Variants in CERS6 observed in about 807,000 individuals in gnomAD.
CERS6 encodes ceramide synthase 6.
In CERS6, 26 loss-of-function variants were observed where a neutral mutation model predicts 56.8. The ratio of observed to expected loss-of-function variants is 0.46; its 90% CI spans 0.34 to 0.63. The LOEUF is 0.63. Ranked by LOEUF, CERS6 falls within the 30% of genes least tolerant of loss-of-function variation. CERS6 has a pLI of 0.01. For synonymous variants in CERS6, 164 were observed against 173.3 expected (o/e 0.95, Z 0.42); for missense variants, 415 against 467.5 (o/e 0.89, Z 1.04).
intron 2 of CERS6, among the ~76,000 whole-genome samples, chr2:168,556,407 A>G (rs1294069021): frequency 1.3e-5 from 2 of 152,170 alleles, no homozygotes; most frequent in African/African-American, 4.8e-5. Flanking sequence ...GAAACCTGAC[A>G]TCTTTTTGAT....
intron 8 of CERS6, among the ~76,000 whole-genome samples, chr2:168,735,360 A>T (rs1683679591): frequency 6.6e-6 from 1 of 152,040 alleles, no homozygotes; most frequent in South Asian, 2.1e-4. Context: ...TATAAATTGT[A>T]CCCATCTTAG....
At chr2:168,476,672 T>C (rs1694077745) in intron 1 of CERS6, among the ~76,000 whole-genome samples, 1 of 152,096 alleles carries the variant, frequency 6.6e-6, no homozygotes, top group Admixed American at 6.6e-5. Context: ...TTGTAAGTCC[T>C]GGAGTCCCAA....
intron 1 of CERS6, among the ~76,000 whole-genome samples, chr2:168,545,131 A>G (rs1397079288): frequency 6.6e-6 from 1 of 152,010 alleles, no homozygotes; most frequent in Non-Finnish European, 1.5e-5. Context: ...AAACACACAC[A>G]TGTATTTGTA....
chr2:168,648,085 A>G (rs556482072), intron 4 of CERS6, among the ~76,000 whole-genome samples: 1 of 152,194 alleles, frequency 6.6e-6, no homozygotes, highest in South Asian at 2.1e-4. Context: ...TTCTGTAGGA[A>G]CGGTACCAAC....
At chr2:168,524,266 A>T (rs1695031586) in intron 1 of CERS6, among the ~76,000 whole-genome samples, 1 of 152,258 alleles carries the variant, frequency 6.6e-6, no homozygotes, top group Non-Finnish European at 1.5e-5. Flanking sequence ...TAGGCTTAGA[A>T]TGCTCATGAC....
At position 168,501,818 on chromosome 2, in the gene CERS6, C is replaced by G. The variant is rs544187814; in HGVS notation, c.170+45200C>G. Among the ~76,000 whole-genome samples, 5 of 152,298 alleles carry G rather than the reference C, an allele frequency of 3.3e-5. No individual in the cohort carries two copies. In the East Asian group the frequency reaches 9.6e-4, roughly 29 times the overall value. ...CAGTACCTGGCTGGTGAAACGAGTT[C>G]CCCTATCACTGCAAAGTTCAAACAC... On this transcript the variant is annotated intron_variant, in intron 1 of 9. Coordinates refer to ENST00000305747, the MANE Select transcript of CERS6 (RefSeq NM_203463.3).
intron 8 of CERS6, among the ~76,000 whole-genome samples, chr2:168,751,116 C>A (rs1388546579): frequency 6.6e-6 from 1 of 152,150 alleles, no homozygotes; most frequent in Non-Finnish European, 1.5e-5. Context: ...CATGTTACCT[C>A]AAAACTTATC....
At chr2:168,611,861 A>G (rs992449152) in intron 3 of CERS6, among the ~76,000 whole-genome samples, 2 of 152,196 alleles carry the variant, frequency 1.3e-5, no homozygotes, top group African/African-American at 4.8e-5. Context: ...ACCACTTTGT[A>G]AGAATGAAGC....
At chr2:168,691,005 T>C in intron 4 of CERS6, 29 bp from the exon 5 acceptor site, 1 of 1,601,030 alleles carries the variant, frequency 6.2e-7, no homozygotes, top group Non-Finnish European at 8.6e-7. Flanking sequence ...TTCTAAAATA[T>C]GTAAAATATT....
intron 1 of CERS6, among the ~76,000 whole-genome samples, chr2:168,510,306 C>G (rs964612607): frequency 6.6e-6 from 1 of 152,216 alleles, no homozygotes; most frequent in African/African-American, 2.4e-5. Context: ...ACTTACAGTC[C>G]TGCAAGCTCC....
At chr2:168,496,173 C>G (rs1694464393) in intron 1 of CERS6, among the ~76,000 whole-genome samples, 1 of 152,162 alleles carries the variant, frequency 6.6e-6, no homozygotes, top group South Asian at 2.1e-4. Flanking sequence ...TTCACTTATT[C>G]AATTAATCTC....
At chr2:168,509,914 A>C (rs1210228210) in intron 1 of CERS6, among the ~76,000 whole-genome samples, 1 of 152,140 alleles carries the variant, frequency 6.6e-6, no homozygotes, top group Admixed American at 6.6e-5. Context: ...CAAACAAACA[A>C]ACACAGAAGA....
intron 4 of CERS6, among the ~76,000 whole-genome samples, chr2:168,643,449 G>T (rs1685093851): frequency 6.6e-6 from 1 of 152,068 alleles, no homozygotes. Context: ...TCCTCTAGTT[G>T]ATTTCTATGT....
At position 168,709,659 on chromosome 2, in the gene CERS6, C is replaced by G. The variant is rs542520642; in HGVS notation, c.610-5342C>G. On this transcript the variant is annotated intron_variant, in intron 6 of 9. Transcript: ENST00000305747. ...GAAGACCAATAAGAAATCACAGTCT[C>G]TCTCTTTAATTGCAGTTATAGAAAA... Among the ~76,000 whole-genome samples, 21 of 152,262 alleles carry G rather than the reference C, an allele frequency of 1.4e-4. 1 individual carries two copies. In the South Asian group the frequency reaches 4.4e-3, roughly 32 times the overall value.
chr2:168,482,181 TG>T (rs1464952318), intron 1 of CERS6, among the ~76,000 whole-genome samples: 1 of 152,246 alleles, frequency 6.6e-6, no homozygotes, highest in East Asian at 1.9e-4. Flanking sequence ...TGATGGTTAG[TG>T]GACCTTAGAA....
intron 1 of CERS6, among the ~76,000 whole-genome samples, chr2:168,477,218 A>AGT (rs1694094122): frequency 2.3e-5 from 3 of 132,414 alleles, no homozygotes; most frequent in African/African-American, 5.8e-5. Flanking sequence ...AGAGAGAGAG[A>AGT]GTCTCATAGG....
At chr2:168,546,329 C>T (rs147858345) in intron 1 of CERS6, among the ~76,000 whole-genome samples, 10 of 152,240 alleles carry the variant, frequency 6.6e-5, no homozygotes, top group Admixed American at 1.3e-4. Context: ...ATTTATATAT[C>T]GGGAAGGGGT....
intron 4 of CERS6, among the ~76,000 whole-genome samples, chr2:168,676,653 G>A (rs920971618): frequency 3.3e-5 from 5 of 152,120 alleles, no homozygotes; most frequent in Non-Finnish European, 7.3e-5. Flanking sequence ...AAAACCACAC[G>A]TTGTCAGTCA....
chr2:168,519,484 A>G (rs6721420), intron 1 of CERS6, among the ~76,000 whole-genome samples: 17,579 of 152,112 alleles, frequency 0.12, 1,848 homozygotes, highest in African/African-American at 0.29. Context: ...AGTAATGAAC[A>G]TAGTACTGGA....
Sources: gnomAD v4.1 joint callset for allele counts (sites outside exome capture counted in the v4.1 genomes callset) on GRCh38, gnomAD v4.1.1 for gene constraint, MANE v1.5 for transcripts, NCBI Gene and HGNC (gene_info 2026-07-23, HGNC 2026-07-21) for gene names.